The following MARCHF4 variants were observed in gnomAD, a reference collection of about 807,000 sequenced individuals.
MARCHF4 encodes membrane associated ring-CH-type finger 4.
MARCHF4 carries 14 observed loss-of-function variants against 43.9 expected under a neutral mutation model. The ratio of observed to expected loss-of-function variants is 0.32; its 90% CI spans 0.21 to 0.50. The LOEUF is 0.50. Ranked by LOEUF, MARCHF4 falls within the 20% of genes least tolerant of loss-of-function variation. The pLI is 0.98. For missense variants in MARCHF4, 468 were observed against 536.7 expected (o/e 0.87, Z 1.27); for synonymous variants, 226 against 213.3 (o/e 1.06, Z -0.52).
intron 3 of MARCHF4, among the ~76,000 whole-genome samples, chr2:216,270,314 G>C (rs1214662951): frequency 6.6e-6 from 1 of 152,098 alleles, no homozygotes; most frequent in Non-Finnish European, 1.5e-5. Context: ...TGTTTCAAGT[G>C]ATCCTCCTGC....
chr2:216,283,459 T>A (rs890621309), intron 2 of MARCHF4, 115 bp downstream of exon 2: 2 of 1,319,424 alleles, frequency 1.5e-6, no homozygotes, highest in Admixed American at 2.2e-5. Flanking sequence ...ACCCAGCCCA[T>A]CTTCTTCCTT....
intron 3 of MARCHF4, among the ~76,000 whole-genome samples, chr2:216,276,680 A>T (rs207824): frequency 0.59 from 89,214 of 152,170 alleles, 29,417 homozygotes; most frequent in Non-Finnish European, 0.75. Context: ...TATTTAATAC[A>T]ATATACATAC....
intron 1 of MARCHF4, among the ~76,000 whole-genome samples, chr2:216,324,048 C>T: frequency 6.6e-6 from 1 of 150,894 alleles, no homozygotes; most frequent in South Asian, 2.1e-4. Flanking sequence ...AAAGGATCAA[C>T]AAAATTGATA....
chr2:216,298,659 T>C (rs528638177), intron 1 of MARCHF4, among the ~76,000 whole-genome samples: 2 of 152,372 alleles, frequency 1.3e-5, no homozygotes, highest in Non-Finnish European at 2.9e-5. Flanking sequence ...TATTCCCATC[T>C]TAAAATATCT....
intron 1 of MARCHF4, among the ~76,000 whole-genome samples, chr2:216,316,984 G>A (rs772525254): frequency 3.9e-5 from 6 of 152,130 alleles, no homozygotes; most frequent in Non-Finnish European, 5.9e-5. Flanking sequence ...GGATGAGGTG[G>A]GAGAGGGGGA....
At chr2:216,338,224 G>C (rs1692186261) in intron 1 of MARCHF4, among the ~76,000 whole-genome samples, 1 of 152,186 alleles carries the variant, frequency 6.6e-6, no homozygotes, top group Non-Finnish European at 1.5e-5. Flanking sequence ...TGTAGTGTAA[G>C]AGGGTAAGTA....
chr2:216,269,250 T>A (rs1369920167), intron 3 of MARCHF4, among the ~76,000 whole-genome samples: 4 of 152,208 alleles, frequency 2.6e-5, no homozygotes, highest in African/African-American at 7.2e-5. Context: ...AAATGTTTTT[T>A]TGGTGCCAAA....
At chr2:216,307,323 G>A (rs904927291) in intron 1 of MARCHF4, among the ~76,000 whole-genome samples, 1 of 152,106 alleles carries the variant, frequency 6.6e-6, no homozygotes, top group Non-Finnish European at 1.5e-5. Context: ...AGCACATCCA[G>A]ACAGTTTCCT....
intron 3 of MARCHF4, among the ~76,000 whole-genome samples, chr2:216,272,465 C>A (rs1218014539): frequency 1.3e-5 from 2 of 152,148 alleles, no homozygotes; most frequent in Admixed American, 1.3e-4. Flanking sequence ...TCCCCCCAAC[C>A]TGCCTCCCCA....
chr2:216,311,125 T>C (rs1691678519), intron 1 of MARCHF4, among the ~76,000 whole-genome samples: 1 of 152,232 alleles, frequency 6.6e-6, no homozygotes, highest in South Asian at 2.1e-4. Context: ...TCAAATAAAC[T>C]TTAGAATCAA....
intron 3 of MARCHF4, among the ~76,000 whole-genome samples, chr2:216,261,911 A>G (rs1395149843): frequency 1.3e-5 from 2 of 152,154 alleles, no homozygotes; most frequent in African/African-American, 2.4e-5. Flanking sequence ...AAGTGTGGAG[A>G]CCCAAAAGCC....
chr2:216,359,594 C>T (rs1274415633), intron 1 of MARCHF4, among the ~76,000 whole-genome samples: 1 of 152,208 alleles, frequency 6.6e-6, no homozygotes, highest in Non-Finnish European at 1.5e-5. Context: ...TGGAAAGCTT[C>T]AGTCGCATTT....
At chr2:216,289,536 C>T (rs1242794526) in intron 1 of MARCHF4, among the ~76,000 whole-genome samples, 5 of 152,262 alleles carry the variant, frequency 3.3e-5, no homozygotes, top group South Asian at 2.1e-4. Context: ...AAGCTGCAGA[C>T]GCCAGTCTCC....
intron 1 of MARCHF4, among the ~76,000 whole-genome samples, chr2:216,305,017 A>G (rs915478143): frequency 2.0e-5 from 3 of 152,178 alleles, no homozygotes; most frequent in South Asian, 2.1e-4. Context: ...CAAGCATCCC[A>G]TGCATCCTAT....
intron 1 of MARCHF4, among the ~76,000 whole-genome samples, chr2:216,327,803 G>C (rs1692019209): frequency 6.6e-6 from 1 of 152,156 alleles, no homozygotes; most frequent in Non-Finnish European, 1.5e-5. Context: ...CCCAGGCAGA[G>C]GGTAAGCACT....
intron 3 of MARCHF4, among the ~76,000 whole-genome samples, chr2:216,274,027 G>A (rs1385389733): frequency 1.3e-5 from 2 of 152,218 alleles, no homozygotes; most frequent in Non-Finnish European, 2.9e-5. Flanking sequence ...ACTTGAGTTG[G>A]GGGCAACCCC....
chr2:216,277,498 TCCC>T (rs1691044866), intron 3 of MARCHF4, among the ~76,000 whole-genome samples, 171 bp downstream of exon 3: 2 of 152,062 alleles, frequency 1.3e-5, no homozygotes, highest in African/African-American at 4.8e-5. Context: ...CCCTGCCTCC[TCCC>T]CCTTCCCATC....
chr2:216,308,884 T>A (rs1229848597), intron 1 of MARCHF4, among the ~76,000 whole-genome samples: 3 of 152,168 alleles, frequency 2.0e-5, no homozygotes, highest in African/African-American at 7.2e-5. Flanking sequence ...CCTGTTCCCC[T>A]TTTTTTCCTA....
At chr2:216,285,874 G>A (rs1217160150) in intron 1 of MARCHF4, among the ~76,000 whole-genome samples, 1 of 152,324 alleles carries the variant, frequency 6.6e-6, no homozygotes, top group Non-Finnish European at 1.5e-5. Context: ...ACGTCAAATT[G>A]CCCATCAGGT....
Sources: gnomAD v4.1 joint callset for allele counts (sites outside exome capture counted in the v4.1 genomes callset) on GRCh38, gnomAD v4.1.1 for gene constraint, MANE v1.5 for transcripts, NCBI Gene and HGNC (gene_info 2026-07-23, HGNC 2026-07-21) for gene names.